The following MACROD1 variants were observed in gnomAD, a reference collection of about 807,000 sequenced individuals.
MACROD1 encodes the protein ADP-ribose glycohydrolase MACROD1.
In MACROD1, 31 loss-of-function variants were observed where a neutral mutation model predicts 41.4. That is an observed-to-expected ratio of 0.75 (90% CI 0.56 to 1.01). The LOEUF (loss-of-function observed/expected upper bound fraction) is 1.01, where lower values mean the gene tolerates loss of function less well. MACROD1 is among the 50% of genes least tolerant of loss of function. The pLI is 0.00. For synonymous variants in MACROD1, 252 were observed against 203.4 expected (o/e 1.24, Z -2.03); for missense variants, 473 against 460.0 (o/e 1.03, Z -0.26).
chr11:64,073,289 G>A lies in MACROD1; in HGVS notation c.518-58008C>T, dbSNP rs190495123. ...TGGAGCTGGCTGTGATCAACCGGCT[G>A]TCACTTAACCAGTGTCCTGTGCCCC... On this transcript the variant is annotated intron_variant, in intron 3 of 10. Coordinates refer to ENST00000255681, the MANE Select transcript of MACROD1 (RefSeq NM_014067.4). Among the ~76,000 whole-genome samples the A allele has an allele frequency of 9.8e-5, 15 of 152,326 alleles. 1 individual carries two copies. Among genetic ancestry groups the A allele is most frequent in the Admixed American group, 9.8e-4 (15 of 15,308 alleles).
chr11:64,015,353 G>T, intron 3 of MACROD1, 72 bp from the exon 4 acceptor site: 2 of 1,468,432 alleles, frequency 1.4e-6, no homozygotes, highest in Non-Finnish European at 1.8e-6. Flanking sequence ...TTGAGGGGAG[G>T]GTGATGTCAA....
intron 3 of MACROD1, among the ~76,000 whole-genome samples, chr11:64,068,707 G>A (rs1944050510): frequency 6.6e-6 from 1 of 152,238 alleles, no homozygotes; most frequent in South Asian, 2.1e-4. Flanking sequence ...GTCTCTCCCA[G>A]CTGAGGGCAG....
intron 3 of MACROD1, chr11:64,117,802 C>G (rs1945018773): frequency 6.2e-7 from 1 of 1,614,060 alleles, no homozygotes; most frequent in African/African-American, 1.3e-5. Context: ...ACCATGGAGA[C>G]CAGCAATGCC....
intron 3 of MACROD1, among the ~76,000 whole-genome samples, chr11:64,033,548 A>T (rs1016019962): frequency 3.8e-4 from 58 of 151,542 alleles, no homozygotes; most frequent in Admixed American, 6.6e-4. Flanking sequence ...TTTTTTTTTT[A>T]AATTATTTTT....
intron 3 of MACROD1, among the ~76,000 whole-genome samples, chr11:64,139,207 C>T (rs998555945): frequency 2.2e-4 from 33 of 152,352 alleles, no homozygotes; most frequent in African/African-American, 7.9e-4. Context: ...CCCATCCTCC[C>T]CCGGATCTGC....
intron 3 of MACROD1, among the ~76,000 whole-genome samples, chr11:64,074,738 C>G (rs1018912319): frequency 6.6e-6 from 1 of 152,196 alleles, no homozygotes; most frequent in African/African-American, 2.4e-5. Context: ...GCCCCAGAGG[C>G]CCAGGGGTGA....
intron 3 of MACROD1, among the ~76,000 whole-genome samples, chr11:64,097,704 G>A (rs933411172): frequency 2.0e-5 from 3 of 152,262 alleles, no homozygotes; most frequent in African/African-American, 7.2e-5. Context: ...CCTGCTACTC[G>A]GGTGCCATGC....
intron 3 of MACROD1, among the ~76,000 whole-genome samples, chr11:64,113,435 T>A (rs955788685): frequency 6.7e-6 from 1 of 149,556 alleles, no homozygotes; most frequent in African/African-American, 2.5e-5. Context: ...GATGGATGGA[T>A]GGATGGATGG....
At chr11:64,033,424 T>A (rs1201791564) in intron 3 of MACROD1, among the ~76,000 whole-genome samples, 1 of 152,140 alleles carries the variant, frequency 6.6e-6, no homozygotes, top group Admixed American at 6.5e-5. Context: ...AGGGACAAGG[T>A]TGCCCAGGCT....
chr11:64,029,283 G>A (rs905005667), intron 3 of MACROD1, among the ~76,000 whole-genome samples: 4 of 152,196 alleles, frequency 2.6e-5, no homozygotes, highest in African/African-American at 4.8e-5. Flanking sequence ...GCAGAGGAAC[G>A]GGAGGGGAGA....
intron 5 of MACROD1, 111 bp from the exon 6 acceptor site, chr11:63,999,874 C>G: frequency 2.4e-6 from 3 of 1,261,528 alleles, no homozygotes; most frequent in Non-Finnish European, 3.2e-6. Flanking sequence ...TCCCCCCAAG[C>G]GCTGAGCCTC....
At chr11:64,061,970 C>CA (rs1943913958) in intron 3 of MACROD1, among the ~76,000 whole-genome samples, 1 of 148,028 alleles carries the variant, frequency 6.8e-6, no homozygotes, top group Non-Finnish European at 1.5e-5. Context: ...ATGCCACCCC[C>CA]ACCCCCCTGC....
intron 1 of MACROD1, among the ~76,000 whole-genome samples, chr11:64,157,125 C>A (rs1945681418): frequency 6.6e-6 from 1 of 152,116 alleles, no homozygotes; most frequent in Admixed American, 6.5e-5. Flanking sequence ...CAGAGTCTCA[C>A]TCTGTCACCC....
At chr11:64,144,229 C>T (rs915533550) in intron 3 of MACROD1, among the ~76,000 whole-genome samples, 10 of 152,152 alleles carry the variant, frequency 6.6e-5, no homozygotes, top group African/African-American at 2.4e-4. Context: ...CCCCGTCCAA[C>T]CCAAGCACCC....
intron 3 of MACROD1, among the ~76,000 whole-genome samples, chr11:64,123,566 C>G (rs1945133448): frequency 6.6e-6 from 1 of 150,876 alleles, no homozygotes; most frequent in African/African-American, 2.5e-5. Flanking sequence ...AAGATGGGGG[C>G]ACCTGCCCTG....
chr11:64,092,451 A>T (rs936711237), intron 3 of MACROD1, among the ~76,000 whole-genome samples: 3 of 152,182 alleles, frequency 2.0e-5, no homozygotes, highest in African/African-American at 7.2e-5. Flanking sequence ...CCAGGGGCCT[A>T]TGTGCCGCTG....
At chr11:64,159,659 G>A (rs574746364) in intron 1 of MACROD1, among the ~76,000 whole-genome samples, 52 of 151,176 alleles carry the variant, frequency 3.4e-4, no homozygotes, top group South Asian at 2.1e-3. Flanking sequence ...CCGGGCATGG[G>A]GGCGCATGCC....
chr11:64,049,061 T>C (rs1476383122), intron 3 of MACROD1, among the ~76,000 whole-genome samples: 1 of 139,740 alleles, frequency 7.2e-6, no homozygotes, highest in East Asian at 2.6e-4. Context: ...ATATTTGTCC[T>C]TCAGGGGGTG....
intron 3 of MACROD1, among the ~76,000 whole-genome samples, chr11:64,066,724 C>T (rs147616026): frequency 1.3e-5 from 2 of 152,276 alleles, no homozygotes; most frequent in East Asian, 1.9e-4. Flanking sequence ...ATGAGAGCCC[C>T]CAGGCATGAG....
Sources: gnomAD v4.1 joint callset for allele counts (sites outside exome capture counted in the v4.1 genomes callset) on GRCh38, gnomAD v4.1.1 for gene constraint, MANE v1.5 for transcripts, NCBI Gene and HGNC (gene_info 2026-07-23, HGNC 2026-07-21) for gene names.